Variants in KYNU observed in about 807,000 individuals in gnomAD.
The protein encoded by KYNU is kynureninase.
A neutral mutation model predicts 59.2 loss-of-function variants in KYNU; 54 were observed. That is an observed-to-expected ratio of 0.91 (90% CI 0.73 to 1.14). The LOEUF is 1.14. KYNU is among the 50% of genes most tolerant of loss of function. The probability of loss-of-function intolerance (pLI) is 0.00; values close to 1 mark genes in which losing one functional copy is unlikely to be tolerated. For synonymous variants in KYNU, 177 were observed against 192.0 expected (o/e 0.92, Z 0.65); for missense variants, 567 against 554.4 (o/e 1.02, Z -0.23).
intron 10 of KYNU, 106 bp downstream of exon 10, chr2:142,986,127 G>C: frequency 1.3e-6 from 1 of 763,516 alleles, no homozygotes; most frequent in East Asian, 2.7e-5. Context: ...ATAGGAATTA[G>C]GATTGGATTA....
intron 13 of KYNU, among the ~76,000 whole-genome samples, chr2:143,041,674 C>G (rs1406215404): frequency 6.6e-6 from 1 of 151,846 alleles, no homozygotes; most frequent in Non-Finnish European, 1.5e-5. Context: ...CTAAAACTCT[C>G]CAGACCCTAA....
intron 10 of KYNU, among the ~76,000 whole-genome samples, chr2:142,998,974 A>C (rs186995519): frequency 7.3e-6 from 1 of 137,136 alleles, no homozygotes; most frequent in East Asian, 2.1e-4. Context: ...ACGTCACTGC[A>C]CTCCAGCCTG....
intron 2 of KYNU, among the ~76,000 whole-genome samples, chr2:142,894,695 G>A (rs1354114979): frequency 6.6e-6 from 1 of 152,166 alleles, no homozygotes; most frequent in Non-Finnish European, 1.5e-5. Context: ...ATGTTTAATA[G>A]AAAATAGGTT....
In KYNU at chr2:143,047,337, C is replaced by T. The variant is rs1687181500; in HGVS notation, c.*5165C>T. On this transcript the variant is annotated 3_prime_UTR_variant, in exon 14 of 14. Transcript: ENST00000264170. ...AAGCAATCTTCCTGCCTCAGCTTCC[C>T]ATATTCGGATTATACGCATGAGGCA... 6.6e-6 allele frequency: 1 copy of T among 152,122 alleles called. No individual in the cohort carries two copies. The highest frequency in any genetic ancestry group is 2.4e-5 in the African/African-American group (1 of 41,420). The allele number at this position is 152,122 out of a possible 1,614,324, so 9.4% of individuals were successfully genotyped here. A position where few individuals can be genotyped will look rare whatever the true frequency, so the allele number is the denominator to read the frequency against.
At chr2:142,957,470 G>A (rs1225330392) in intron 6 of KYNU, among the ~76,000 whole-genome samples, 171 bp from the exon 7 acceptor site, 1 of 152,092 alleles carries the variant, frequency 6.6e-6, no homozygotes, top group African/African-American at 2.4e-5. Context: ...AATTCTATAT[G>A]TGAATTTTAT....
At chr2:142,901,515 G>A (rs187088731) in intron 2 of KYNU, among the ~76,000 whole-genome samples, 149 of 152,200 alleles carry the variant, frequency 9.8e-4, no homozygotes, top group Middle Eastern at 3.4e-3. Context: ...GATGACCCCG[G>A]CAGTGTAAGA....
chr2:142,885,406 G>A lies in KYNU; in HGVS notation c.39G>A (p.Val13=). 6.2e-7 allele frequency: 1 copy of A among 1,613,980 alleles called. No homozygotes were observed. The highest frequency in any genetic ancestry group is 8.5e-7 in the Non-Finnish European group (1 of 1,179,954). Residue 13 remains valine, a synonymous_variant, in exon 2 of 14, where the codon GTG becomes GTA. Transcript: ENST00000264170. ...CTCTTGAGCTGCCGGCTGACACAGT[G>A]CAGCGCATTGCGGCTGAACTCAAAT... ...PSSLELPADT[V]QRIAAELKCH...
intron 5 of KYNU, among the ~76,000 whole-genome samples, chr2:142,955,600 CAT>C (rs1338553042): frequency 1.1e-4 from 16 of 151,972 alleles, no homozygotes. Flanking sequence ...AAATGAGAAA[CAT>C]AATATCTACC....
rs1687223897 is a variant in KYNU, at chr2:143,049,317, G to A, written c.*7145G>A. The A allele has an allele frequency of 6.6e-6, 1 of 152,096 alleles. No homozygotes were observed. The highest frequency in any genetic ancestry group is 1.5e-5 in the Non-Finnish European group (1 of 68,036). 9.4% of individuals were successfully genotyped at this position (152,096 alleles called of 1,614,324 possible). A position where few individuals can be genotyped will look rare whatever the true frequency, so the allele number is the denominator to read the frequency against. On this transcript the variant is annotated 3_prime_UTR_variant, in exon 14 of 14. Transcript: ENST00000264170. Reference sequence around the variant, plus strand: ...TGTGCTTCTGCTTTAGGCATTAGTAGTGGACATTCTGGTTCCCCATTGAGC... The same window carrying A: ...TGTGCTTCTGCTTTAGGCATTAGTAATGGACATTCTGGTTCCCCATTGAGC...
chr2:143,020,038 T>A (rs1478690688), intron 10 of KYNU, among the ~76,000 whole-genome samples: 1 of 152,074 alleles, frequency 6.6e-6, no homozygotes, highest in Non-Finnish European at 1.5e-5. Flanking sequence ...TGGCTAAAAG[T>A]TTGCCAATTT....
intron 3 of KYNU, among the ~76,000 whole-genome samples, chr2:142,922,946 T>C (rs1186754355): frequency 6.6e-6 from 1 of 152,188 alleles, no homozygotes; most frequent in Non-Finnish European, 1.5e-5. Flanking sequence ...GCTGACTTAG[T>C]GTCTGGTAAG....
At chr2:142,993,843 C>G (rs1334222065) in intron 10 of KYNU, among the ~76,000 whole-genome samples, 1 of 151,928 alleles carries the variant, frequency 6.6e-6, no homozygotes, top group Non-Finnish European at 1.5e-5. Flanking sequence ...TAAAGCTATT[C>G]TTGCTTGTAA....
chr2:143,034,027 A>G (rs1457255406), intron 12 of KYNU, among the ~76,000 whole-genome samples: 18 of 151,918 alleles, frequency 1.2e-4, no homozygotes, highest in Admixed American at 1.2e-3. Flanking sequence ...GAAATGATAA[A>G]TATACATAAC....
In KYNU at chr2:143,047,882, G is replaced by A. The variant is rs1318293516; in HGVS notation, c.*5710G>A. ...TTTTTTTTTTTTTTTTTTTTTTGAG[G>A]CAGTCTCTCTCTGTCACCCAGGCTG... is the stretch of plus-strand genomic sequence containing the variant. On this transcript the variant is annotated 3_prime_UTR_variant, in exon 14 of 14. Transcript: ENST00000264170. The A allele has an allele frequency of 1.8e-5, 2 of 113,282 alleles. No homozygotes were observed. Among genetic ancestry groups the A allele is most frequent in the Non-Finnish European group, 3.5e-5 (2 of 57,914 alleles). 7.0% of individuals were successfully genotyped at this position (113,282 alleles called of 1,614,324 possible).
At chr2:142,883,779 C>A (rs1401976209) in intron 1 of KYNU, among the ~76,000 whole-genome samples, 1 of 152,188 alleles carries the variant, frequency 6.6e-6, no homozygotes, top group African/African-American at 2.4e-5. Flanking sequence ...TTCCTCATAG[C>A]TCTTAAGTCT....
intron 8 of KYNU, among the ~76,000 whole-genome samples, chr2:142,973,317 C>T (rs1684788247): frequency 6.6e-6 from 1 of 152,048 alleles, no homozygotes; most frequent in Admixed American, 6.6e-5. Flanking sequence ...GAAGGCATAG[C>T]CTAAATGTCA....
At chr2:142,944,317 T>G (rs1683704118) in intron 4 of KYNU, among the ~76,000 whole-genome samples, 1 of 152,210 alleles carries the variant, frequency 6.6e-6, no homozygotes, top group African/African-American at 2.4e-5. Flanking sequence ...TGCCAGTCTT[T>G]GAGACCAGAA....
intron 2 of KYNU, among the ~76,000 whole-genome samples, chr2:142,917,119 G>T (rs1174315969): frequency 1.3e-5 from 2 of 152,148 alleles, no homozygotes; most frequent in African/African-American, 4.8e-5. Context: ...TAATCCTAAA[G>T]AACAGGATTG....
intron 4 of KYNU, among the ~76,000 whole-genome samples, chr2:142,939,836 C>T (rs1435622915): frequency 5.9e-5 from 9 of 152,238 alleles, no homozygotes; most frequent in Admixed American, 2.0e-4. Flanking sequence ...GGGCAGCTCA[C>T]GTGGAGTCAG....
Sources: gnomAD v4.1 joint callset for allele counts (sites outside exome capture counted in the v4.1 genomes callset) on GRCh38, gnomAD v4.1.1 for gene constraint, MANE v1.5 for transcripts, NCBI Gene and HGNC (gene_info 2026-07-23, HGNC 2026-07-21) for gene names.